The following RAD51B variants were observed in gnomAD, a reference collection of about 807,000 sequenced individuals.
RAD51B encodes RAD51 paralog B, also known as DNA repair protein RAD51 homolog 2.
Under a neutral mutation model 42.2 loss-of-function variants are expected in RAD51B, and 38 were observed. The observed-to-expected ratio is 0.90, with a 90% CI of 0.70 to 1.18. RAD51B has a LOEUF of 1.18. RAD51B is among the 50% of genes most tolerant of loss of function. The probability of loss-of-function intolerance (pLI) is 0.00; values close to 1 mark genes in which losing one functional copy is unlikely to be tolerated. For synonymous variants in RAD51B, 154 were observed against 145.2 expected (o/e 1.06, Z -0.43); for missense variants, 373 against 400.7 (o/e 0.93, Z 0.59).
chr14:67,975,899 C>A (rs1476135189), intron 7 of RAD51B, among the ~76,000 whole-genome samples: 1 of 152,152 alleles, frequency 6.6e-6, no homozygotes, highest in African/African-American at 2.4e-5. Flanking sequence ...AAACCTTATC[C>A]CCATCCCTAA....
intron 11 of RAD51B, among the ~76,000 whole-genome samples, chr14:68,659,282 C>A (rs1384490161): frequency 6.6e-6 from 1 of 152,174 alleles, no homozygotes; most frequent in East Asian, 1.9e-4. Context: ...GATCCCATTT[C>A]TCTCCTCTCT....
intron 9 of RAD51B, among the ~76,000 whole-genome samples, chr14:68,420,929 G>T (rs555363791): frequency 3.3e-5 from 5 of 152,330 alleles, no homozygotes; most frequent in East Asian, 1.9e-4. Flanking sequence ...AGAAAAGGAG[G>T]CCTTGACTTG....
chr14:68,325,336 C>T (rs1195485671), intron 8 of RAD51B, among the ~76,000 whole-genome samples: 1 of 152,172 alleles, frequency 6.6e-6, no homozygotes, highest in Non-Finnish European at 1.5e-5. Context: ...TACCCATTAT[C>T]AGAAGTTGGG....
chr14:68,576,950 G>A (rs745860807), intron 10 of RAD51B, among the ~76,000 whole-genome samples: 17 of 152,158 alleles, frequency 1.1e-4, no homozygotes, highest in African/African-American at 2.4e-4. Flanking sequence ...AGATGAAAGC[G>A]GAACCAACAG....
chr14:68,668,610 T>C (rs1424283573), intron 11 of RAD51B, among the ~76,000 whole-genome samples: 1 of 152,244 alleles, frequency 6.6e-6, no homozygotes, highest in Non-Finnish European at 1.5e-5. Context: ...CATGGGGATC[T>C]ATTTGTCACT....
chr14:68,061,752 T>A (rs2076571630), intron 7 of RAD51B, among the ~76,000 whole-genome samples: 1 of 152,228 alleles, frequency 6.6e-6, no homozygotes, highest in Non-Finnish European at 1.5e-5. Context: ...TTTTGTATAC[T>A]GCAACTTTAC....
intron 7 of RAD51B, among the ~76,000 whole-genome samples, chr14:68,217,207 G>A (rs1182344600): frequency 2.0e-5 from 3 of 152,168 alleles, no homozygotes; most frequent in Non-Finnish European, 4.4e-5. Flanking sequence ...ACAAGGCCTG[G>A]AGGTGGGCTA....
chr14:68,552,870 G>A (rs1304171391), intron 10 of RAD51B, among the ~76,000 whole-genome samples: 1 of 152,196 alleles, frequency 6.6e-6, no homozygotes, highest in Non-Finnish European at 1.5e-5. Flanking sequence ...ATAAGTAAGA[G>A]GAACTGAATC....
chr14:68,069,846 A>G (rs974173577), intron 7 of RAD51B, among the ~76,000 whole-genome samples: 2 of 152,096 alleles, frequency 1.3e-5, no homozygotes, highest in African/African-American at 4.8e-5. Flanking sequence ...TCTATGTTAA[A>G]TTCTTTGAGA....
chr14:67,857,677 G>A (rs1234217258), intron 4 of RAD51B, among the ~76,000 whole-genome samples: 3 of 152,202 alleles, frequency 2.0e-5, no homozygotes, highest in African/African-American at 7.2e-5. Context: ...TGTATAGAAA[G>A]GCTAGTCCTT....
At chr14:68,339,055 G>T (rs1374620715) in intron 8 of RAD51B, 4 of 672,812 alleles carry the variant, frequency 5.9e-6, no homozygotes, top group Non-Finnish European at 1.1e-5. Flanking sequence ...TCGACATCGT[G>T]TGCAGTCATC....
intron 7 of RAD51B, among the ~76,000 whole-genome samples, chr14:68,156,455 T>TC (rs2078508050): frequency 1.8e-5 from 2 of 114,266 alleles, no homozygotes; most frequent in Non-Finnish European, 3.5e-5. Context: ...CTTAGAAAAT[T>TC]TCTCTCTCTC....
chr14:68,515,374 AAGAT>A (rs1263926321), intron 10 of RAD51B, among the ~76,000 whole-genome samples: 1 of 152,074 alleles, frequency 6.6e-6, no homozygotes, highest in Admixed American at 6.5e-5. Flanking sequence ...CAACGGGACA[AAGAT>A]AGACAGCAAA....
intron 4 of RAD51B, among the ~76,000 whole-genome samples, chr14:67,851,558 C>T (rs1431020515): frequency 3.9e-5 from 6 of 152,076 alleles, no homozygotes; most frequent in Non-Finnish European, 7.4e-5. Context: ...TGAAGGGTAG[C>T]TGCTGGCACT....
intron 7 of RAD51B, among the ~76,000 whole-genome samples, chr14:67,964,466 C>T (rs542332157): frequency 4.6e-5 from 7 of 152,174 alleles, no homozygotes; most frequent in Non-Finnish European, 8.8e-5. Context: ...TGTTTCTTTG[C>T]GTTGCTGGAG....
intron 10 of RAD51B, among the ~76,000 whole-genome samples, chr14:68,531,205 G>A (rs1018055569): frequency 6.6e-6 from 1 of 151,590 alleles, no homozygotes; most frequent in Non-Finnish European, 1.5e-5. Flanking sequence ...AAACCTAAGA[G>A]AAGATAAGAA....
chr14:68,573,980 A>ATGTGTGTGTGTGTGTG (rs58865001), intron 10 of RAD51B, among the ~76,000 whole-genome samples: 1 of 149,710 alleles, frequency 6.7e-6, no homozygotes, highest in African/African-American at 2.5e-5. Flanking sequence ...CAGTGTGTGT[A>ATGTGTGTGTGTGTGTG]TGTGTGTGTG....
intron 8 of RAD51B, among the ~76,000 whole-genome samples, chr14:68,392,559 GCA>G (rs2083789450): frequency 6.6e-6 from 1 of 152,132 alleles, no homozygotes; most frequent in East Asian, 1.9e-4. Context: ...ATGACATAGG[GCA>G]CTCTATAAAC....
At chr14:68,132,892 C>T (rs1397929719) in intron 7 of RAD51B, among the ~76,000 whole-genome samples, 1 of 152,138 alleles carries the variant, frequency 6.6e-6, no homozygotes, top group Non-Finnish European at 1.5e-5. Context: ...TTCTCTGGTC[C>T]AGGTTGGGCC....
Sources: allele counts gnomAD v4.1 joint callset (sites outside exome capture counted in the v4.1 genomes callset), GRCh38; gene constraint gnomAD v4.1.1; transcripts MANE v1.5; gene names NCBI Gene and HGNC (gene_info 2026-07-23, HGNC 2026-07-21).